Variants in STRN observed in about 807,000 individuals in gnomAD.
STRN encodes the protein protein phosphatase 2 regulatory subunit B'''alpha.
A neutral mutation model predicts 96.3 loss-of-function variants in STRN; 53 were observed. That is an observed-to-expected ratio of 0.55 (90% CI 0.44 to 0.69). The LOEUF (loss-of-function observed/expected upper bound fraction) is 0.69. STRN is among the 30% of genes least tolerant of loss of function. The pLI, the probability that STRN is intolerant of heterozygous loss-of-function variation, is 0.00. For synonymous variants in STRN, 428 were observed against 355.9 expected, an observed-to-expected ratio of 1.20 and a Z score of -2.28; for missense variants, 987 against 963.9, an observed-to-expected ratio of 1.02 and a Z score of -0.32.
rs1417683147 is a variant in STRN at position 36,841,816 on chromosome 2, T to C, written c.*7640A>G. On this transcript the variant is annotated 3_prime_UTR_variant, in exon 18 of 18. Coordinates refer to ENST00000263918, the MANE Select transcript of STRN (RefSeq NM_003162.4). ...ATTTCCTAAAAATATTTAATTTAGA[T>C]AACAAGGACCAATGACAAGCCAGAA... The C allele has an allele frequency of 6.6e-6, 1 of 152,230 alleles. No individual in the cohort carries two copies. The highest frequency in any genetic ancestry group is 6.5e-5 in the Admixed American group (1 of 15,280). 9.4% of individuals were successfully genotyped at this position (152,230 alleles called of 1,614,324 possible). A position where few individuals can be genotyped will look rare whatever the true frequency, so the allele number is the denominator to read the frequency against.
chr2:36,928,348 T>A (rs1186812199), intron 1 of STRN, among the ~76,000 whole-genome samples: 1 of 151,578 alleles, frequency 6.6e-6, no homozygotes, highest in African/African-American at 2.4e-5. Flanking sequence ...GGAAAAAAGG[T>A]AAAAAGAAAA....
At chr2:36,858,578 G>A (rs940249774) in intron 13 of STRN, among the ~76,000 whole-genome samples, 11 of 152,238 alleles carry the variant, frequency 7.2e-5, no homozygotes, top group African/African-American at 2.7e-4. Context: ...CAGTGATAGT[G>A]TATGCAGGGG....
chr2:36,855,102 G>A (rs182178015), intron 15 of STRN, 110 bp downstream of exon 15: 1 of 1,136,158 alleles, frequency 8.8e-7, no homozygotes. Flanking sequence ...TGAAAGTTAA[G>A]AGACAGAAAG....
Position 36,864,627 on chromosome 2 carries a change from T to C in STRN, c.1547+3187A>G, listed in dbSNP as rs138318762. 6.8e-3 allele frequency among the ~76,000 whole-genome samples: 1,030 copies of C among 152,346 alleles called. 24 individuals are homozygous for C. The highest frequency in any genetic ancestry group is 4.7e-3 in the Non-Finnish European group (318 of 68,032). On this transcript the variant is annotated intron_variant, in intron 12 of 17. Coordinates refer to ENST00000263918, the MANE Select transcript of STRN (RefSeq NM_003162.4). ...TGGCCTGAAGTTTTCCTTTCTGTTG[T>C]ATCTCTGCCAGGTTTTGGTATCAGG...
At chr2:36,881,472 A>G (rs1669068271) in intron 9 of STRN, among the ~76,000 whole-genome samples, 1 of 152,194 alleles carries the variant, frequency 6.6e-6, no homozygotes, top group Non-Finnish European at 1.5e-5. Context: ...AAGTAACAAA[A>G]TTATAGAGCA....
At chr2:36,875,491 G>C (rs1369834828) in intron 10 of STRN, among the ~76,000 whole-genome samples, 1 of 110,370 alleles carries the variant, frequency 9.1e-6, no homozygotes, top group Non-Finnish European at 1.7e-5. Context: ...GGGCAGCAGA[G>C]TGAGACTCTG....
At chr2:36,887,042 G>GACAGACACACACACACAC (rs1307746973) in intron 7 of STRN, among the ~76,000 whole-genome samples, 5 of 144,792 alleles carry the variant, frequency 3.5e-5, no homozygotes, top group African/African-American at 1.3e-4. Context: ...TCTCCTGAAA[G>GACAGACACACACACACAC]ACACACACAC....
At chr2:36,946,806 C>T (rs1572694504) in intron 1 of STRN, among the ~76,000 whole-genome samples, 2 of 152,240 alleles carry the variant, frequency 1.3e-5, no homozygotes, top group South Asian at 4.1e-4. Context: ...AGAACTAAAA[C>T]TGTTTCTTTT....
chr2:36,859,562 C>T (rs746202958), intron 13 of STRN, among the ~76,000 whole-genome samples: 56 of 152,120 alleles, frequency 3.7e-4, no homozygotes, highest in Non-Finnish European at 7.1e-4. Context: ...TCCTGAAATT[C>T]CTGTAGTCAA....
At chr2:36,939,280 T>C (rs932334209) in intron 1 of STRN, among the ~76,000 whole-genome samples, 8 of 152,078 alleles carry the variant, frequency 5.3e-5, no homozygotes, top group Non-Finnish European at 8.8e-5. Flanking sequence ...GTACTGACAT[T>C]CTTTTTCCGA....
chr2:36,865,563 A>C (rs1668599741), intron 12 of STRN, among the ~76,000 whole-genome samples: 1 of 151,552 alleles, frequency 6.6e-6, no homozygotes, highest in African/African-American at 2.4e-5. Context: ...TGTTAATTTG[A>C]GATCTAACTT....
In STRN at chr2:36,857,663, AAAAACAAAAC is replaced by A. The variant is rs113388415; in HGVS notation, c.1837+183_1837+192del. On this transcript the variant is annotated intron_variant, in intron 14 of 17. Transcript: ENST00000263918. ...CAACAGAGTGATACTCCGTCTCAAA[AAAAACAAAAC>A]AAAACAAAACAAAACAAAACAAAAT... Among the ~76,000 whole-genome samples the A allele has an allele frequency of 1.6e-3, 240 of 152,206 alleles. 5 individuals are homozygous for A. In the South Asian group the frequency reaches 0.034, roughly 21 times the overall value.
chr2:36,900,162 T>C (rs963521186), intron 5 of STRN, among the ~76,000 whole-genome samples: 7 of 152,220 alleles, frequency 4.6e-5, no homozygotes, highest in African/African-American at 1.7e-4. Flanking sequence ...CCCAAAGTGC[T>C]GGGATTATAG....
chr2:36,849,383 C>T lies in STRN; in HGVS notation c.*73G>A, dbSNP rs375003820. The T allele has an allele frequency of 1.1e-5, 17 of 1,526,536 alleles. No homozygotes were observed. Among genetic ancestry groups the T allele is most frequent in the East Asian group, 9.1e-5 (4 of 44,098 alleles). The allele number at this position is 1,526,536 out of a possible 1,614,324, so 94.6% of individuals were successfully genotyped here. ...AAAGGGCAGGACGAGATGATTCTTG[C>T]CCTCGTCTTCTGTATCTCTTGTGTG... On this transcript the variant is annotated 3_prime_UTR_variant, in exon 18 of 18. Transcript: ENST00000263918.
At chr2:36,896,556 G>A (rs957491592) in intron 6 of STRN, among the ~76,000 whole-genome samples, 2 of 152,130 alleles carry the variant, frequency 1.3e-5, no homozygotes, top group African/African-American at 4.8e-5. Flanking sequence ...AGGAAATTAA[G>A]AGAAAACCAA....
At chr2:36,886,659 C>A in intron 8 of STRN, 57 bp downstream of exon 8, 8 of 1,292,576 alleles carry the variant, frequency 6.2e-6, no homozygotes, top group Admixed American at 2.3e-5. Context: ...AAAAAAAAAA[C>A]TGGGGGATGT....
chr2:36,966,242 C>A lies in STRN; in HGVS notation c.222G>T (p.Arg74=). The part of the protein sequence containing the change: ...EVERAQWEVE[R]AELQAQIAFL... ...GGAGGGTCTTTACCTGCAGCTCCGC[C>A]CGCTCCACCTCCCACTGGGCTCTCT... Residue 74 remains arginine (R), a synonymous_variant, in exon 1 of 18, where the codon CGG becomes CGT. Coordinates refer to ENST00000263918, the MANE Select transcript of STRN (RefSeq NM_003162.4). The A allele has an allele frequency of 6.4e-7, 1 of 1,572,832 alleles. No individual in the cohort carries two copies. The highest frequency in any genetic ancestry group is 2.5e-5 in the East Asian group (1 of 39,992).
intron 1 of STRN, among the ~76,000 whole-genome samples, chr2:36,950,285 G>A (rs990525138): frequency 3.6e-5 from 5 of 139,550 alleles, no homozygotes; most frequent in East Asian, 4.8e-4. Flanking sequence ...GCTTGATCTC[G>A]GCTCACCGCA....
chr2:36,934,077 C>G (rs1670641899), intron 1 of STRN, among the ~76,000 whole-genome samples: 2 of 151,978 alleles, frequency 1.3e-5, no homozygotes, highest in Admixed American at 1.3e-4. Context: ...CCACTGCACT[C>G]CAGCCTGGGT....
Sources: gnomAD v4.1 joint callset for allele counts (sites outside exome capture counted in the v4.1 genomes callset) on GRCh38, gnomAD v4.1.1 for gene constraint, MANE v1.5 for transcripts, NCBI Gene and HGNC (gene_info 2026-07-23, HGNC 2026-07-21) for gene names.